The following NDC1 variants were observed in gnomAD, a reference collection of about 807,000 sequenced individuals.
NDC1 encodes nucleoporin NDC1.
A neutral mutation model predicts 89.8 loss-of-function variants in NDC1; 24 were observed. The observed-to-expected ratio is 0.27, with a 90% CI of 0.19 to 0.38. The LOEUF (loss-of-function observed/expected upper bound fraction) is 0.38, where lower values mean the gene tolerates loss of function less well. Among genes scored for constraint, NDC1 ranks in the 10% least tolerant of loss-of-function variants. NDC1 has a pLI of 1.00. For missense variants in NDC1, 728 were observed against 797.6 expected (o/e 0.91, Z 1.05); for synonymous variants, 296 against 284.8 (o/e 1.04, Z -0.39).
At chr1:53,825,453 C>CAAAAA (rs369960654) in intron 5 of NDC1, among the ~76,000 whole-genome samples, 2 of 125,966 alleles carry the variant, frequency 1.6e-5, no homozygotes, top group African/African-American at 3.4e-5. Context: ...AGACTGTCTC[C>CAAAAA]AAAAAAAAAG....
At chr1:53,785,251 T>C (rs528288418) in intron 16 of NDC1, among the ~76,000 whole-genome samples, 1 of 152,364 alleles carries the variant, frequency 6.6e-6, no homozygotes, top group East Asian at 1.9e-4. Flanking sequence ...TTAACTACAC[T>C]GCCAGAGTGA....
At chr1:53,798,653 C>T (rs1320342207) in intron 11 of NDC1, among the ~76,000 whole-genome samples, 1 of 150,532 alleles carries the variant, frequency 6.6e-6, no homozygotes, top group Non-Finnish European at 1.5e-5. Flanking sequence ...CTCCCGAGTT[C>T]AAGCAATTCT....
intron 6 of NDC1, among the ~76,000 whole-genome samples, chr1:53,816,262 T>G (rs1006116971): frequency 2.0e-5 from 3 of 152,090 alleles, no homozygotes; most frequent in Non-Finnish European, 2.9e-5. Context: ...CATAGACCAA[T>G]GGAGCAGGAT....
intron 15 of NDC1, among the ~76,000 whole-genome samples, chr1:53,788,333 C>T (rs1243491840): frequency 2.0e-5 from 3 of 151,820 alleles, no homozygotes; most frequent in Non-Finnish European, 2.9e-5. Flanking sequence ...TGGTGGCTCA[C>T]ACCTGTAATC....
chr1:53,785,715 G>A (rs573686841), intron 16 of NDC1, among the ~76,000 whole-genome samples: 2 of 151,990 alleles, frequency 1.3e-5, no homozygotes, highest in South Asian at 4.2e-4. Context: ...TGGGACTATA[G>A]GTGCGCACCA....
chr1:53,766,923 A>G lies in NDC1; in HGVS notation c.*1047T>C, dbSNP rs1647069848. The G allele has an allele frequency of 6.6e-6, 1 of 152,240 alleles. No individual in the cohort carries two copies. The highest frequency in any genetic ancestry group is 1.5e-5 in the Non-Finnish European group (1 of 68,030). 9.4% of individuals were successfully genotyped at this position (152,240 alleles called of 1,614,324 possible). Reference sequence around the variant, plus strand: ...ACAATACTTCGTTCACATTTGGGACACACAACATACTTCCAAGTACAGTAA... The same window carrying G: ...ACAATACTTCGTTCACATTTGGGACGCACAACATACTTCCAAGTACAGTAA... On this transcript the variant is annotated 3_prime_UTR_variant, in exon 18 of 18. Transcript: ENST00000371429.
chr1:53,814,273 T>C (rs1298359857), intron 6 of NDC1, among the ~76,000 whole-genome samples: 2 of 152,120 alleles, frequency 1.3e-5, no homozygotes, highest in Non-Finnish European at 2.9e-5. Flanking sequence ...GAGAATGGCG[T>C]GAACCCGGGA....
intron 5 of NDC1, among the ~76,000 whole-genome samples, chr1:53,821,171 T>C (rs975894721): frequency 6.6e-6 from 1 of 152,074 alleles, no homozygotes. Context: ...CAGTGGCTCA[T>C]GCCTGTAATC....
intron 14 of NDC1, among the ~76,000 whole-genome samples, chr1:53,790,343 C>T (rs939833923): frequency 2.1e-5 from 3 of 146,278 alleles, no homozygotes; most frequent in Non-Finnish European, 4.5e-5. Flanking sequence ...CCAGCCTAGG[C>T]GACAAGAGCA....
At chr1:53,801,849 G>T (rs938165593) in intron 10 of NDC1, among the ~76,000 whole-genome samples, 1 of 152,070 alleles carries the variant, frequency 6.6e-6, no homozygotes, top group Non-Finnish European at 1.5e-5. Context: ...CTCTGCCTCT[G>T]GGGTTCAAGC....
In NDC1 at chr1:53,796,745, T is replaced by C. The variant is rs1007180217; in HGVS notation, c.1528A>G (p.Lys510Glu). 1.9e-5 allele frequency: 31 copies of C among 1,612,306 alleles called. No individual in the cohort carries two copies. Among genetic ancestry groups the C allele is most frequent in the African/African-American group, 2.7e-5 (2 of 74,792 alleles). Residue 510 changes from lysine (K) to glutamate (E), a missense_variant, in exon 13 of 18, where the codon AAG becomes GAG. Coordinates refer to ENST00000371429, the MANE Select transcript of NDC1 (RefSeq NM_018087.5). ...ATCACACTGGGTTGTCTCATTGTCT[T>C]ACCCTCAGCACTAATAGAGGTAGAT... ...SPSTSISAEG[K>E]TMRQPSVIYS... is the part of the protein sequence containing the mutation.
At chr1:53,785,006 G>A (rs1263885790) in intron 16 of NDC1, among the ~76,000 whole-genome samples, 1 of 151,506 alleles carries the variant, frequency 6.6e-6, no homozygotes, top group Non-Finnish European at 1.5e-5. Context: ...GCTTTTTCCA[G>A]GGTCTACTGC....
chr1:53,796,425 GCTT>G (rs1417862870), intron 13 of NDC1, among the ~76,000 whole-genome samples: 1 of 151,936 alleles, frequency 6.6e-6, no homozygotes, highest in Non-Finnish European at 1.5e-5. Context: ...TGTTTTGTTT[GCTT>G]TTTTCCCAGT....
At chr1:53,787,761 A>G (rs1159291617) in intron 15 of NDC1, among the ~76,000 whole-genome samples, 9 of 151,508 alleles carry the variant, frequency 5.9e-5, no homozygotes, top group Admixed American at 5.9e-4. Context: ...AAAAGTACTC[A>G]ATTGCATTAG....
intron 14 of NDC1, among the ~76,000 whole-genome samples, chr1:53,792,155 G>C (rs868514375): frequency 6.6e-6 from 1 of 152,078 alleles, no homozygotes; most frequent in Non-Finnish European, 1.5e-5. Flanking sequence ...TGTTAGCCAG[G>C]ATGGTCTTGA....
At position 53,825,798 on chromosome 1, in the gene NDC1, C is replaced by G. The variant is rs1275923184; in HGVS notation, c.594G>C (p.Gln198His). The change falls in exon 5 of 18, where the codon CAG becomes CAC. Residue 198 changes from glutamine (Q) to histidine (H), a missense_variant and splice_region_variant. Transcript: ENST00000371429. Reference sequence around the variant, plus strand: ...TCAAGTAATGCTCAAATGATCTTACCTGTATGATGGGAAATGGAAGATAGT... The same window carrying G: ...TCAAGTAATGCTCAAATGATCTTACGTGTATGATGGGAAATGGAAGATAGT... ...NMNYLPFPII[Q>H]QYKFLRFRRS... The G allele has an allele frequency of 6.3e-7, 1 of 1,586,024 alleles. No homozygotes were observed. Among genetic ancestry groups the G allele is most frequent in the Non-Finnish European group, 8.5e-7 (1 of 1,171,484 alleles).
Position 53,795,026 on chromosome 1 carries a change from T to A in NDC1, c.1584+1663A>T, listed in dbSNP as rs548992603. Among the ~76,000 whole-genome samples, 353 of 152,298 alleles carry A rather than the reference T, an allele frequency of 2.3e-3. 3 individuals carry two copies. The highest frequency in any genetic ancestry group is 8.0e-3 in the African/African-American group (331 of 41,560). ...CCAATCTCTCCTGAACTCATGCATT[T>A]TTTTGTCCCCACTACTCCAGCCAAC... On this transcript the variant is annotated intron_variant, in intron 13 of 17. Transcript: ENST00000371429.
chr1:53,787,733 A>T (rs1156982200), intron 15 of NDC1, among the ~76,000 whole-genome samples: 1 of 151,418 alleles, frequency 6.6e-6, no homozygotes, highest in African/African-American at 2.4e-5. Context: ...GGGCAAAAAA[A>T]TTGGAATAGG....
chr1:53,824,664 C>G (rs1248233939), intron 5 of NDC1, among the ~76,000 whole-genome samples: 1 of 152,172 alleles, frequency 6.6e-6, no homozygotes, highest in Admixed American at 6.5e-5. Flanking sequence ...CTTTCCCTCT[C>G]CTGCCAGAGG....
Sources: gnomAD v4.1 joint callset for allele counts (sites outside exome capture counted in the v4.1 genomes callset) on GRCh38, gnomAD v4.1.1 for gene constraint, MANE v1.5 for transcripts, NCBI Gene and HGNC (gene_info 2026-07-23, HGNC 2026-07-21) for gene names.